The following MICAL3 variants were observed in gnomAD, a reference collection of about 807,000 sequenced individuals.
The protein encoded by MICAL3 is microtubule associated monooxygenase, calponin and LIM domain containing 3, also known as [F-actin]-monooxygenase MICAL3.
Under a neutral mutation model 207.4 loss-of-function variants are expected in MICAL3, and 62 were observed. That is an observed-to-expected ratio of 0.30 (90% CI 0.24 to 0.37). The LOEUF is 0.37. Among genes scored for constraint, MICAL3 ranks in the 10% least tolerant of loss-of-function variants. MICAL3 has a pLI of 1.00. For missense variants in MICAL3, 2,368 were observed against 2,635.6 expected, an observed-to-expected ratio of 0.90 and a Z score of 2.22; for synonymous variants, 1,077 against 1,069.3, an observed-to-expected ratio of 1.01 and a Z score of -0.14.
chr22:17,906,350 T>A (rs911470659), intron 2 of MICAL3, among the ~76,000 whole-genome samples, 199 bp downstream of exon 2: 1 of 152,244 alleles, frequency 6.6e-6, no homozygotes, highest in Admixed American at 6.5e-5. Flanking sequence ...TGCCTGGTTC[T>A]CACTCAGCCT....
Position 17,876,183 on chromosome 22 carries a change from G to A in MICAL3, c.2242-4160C>T, listed in dbSNP as rs151129763. On this transcript the variant is annotated intron_variant, in intron 16 of 31. Transcript: ENST00000441493. Reference sequence around the variant, plus strand: ...CCTCTGCAGACTGCACATAGCACACGTAACAAAACTGGGCAAGGGTCTCCC... The same window carrying A: ...CCTCTGCAGACTGCACATAGCACACATAACAAAACTGGGCAAGGGTCTCCC... Among the ~76,000 whole-genome samples, 122 of 152,252 alleles carry A rather than the reference G, an allele frequency of 8.0e-4. 3 individuals are homozygous for A. In the East Asian group the frequency reaches 0.016, roughly 20 times the overall value.
rs1206288799 is a variant in MICAL3 at position 17,787,821 on chromosome 22, C to A, written c.*2911G>T. The A allele has an allele frequency of 1.3e-5, 2 of 152,234 alleles. No homozygotes were observed. Among genetic ancestry groups the A allele is most frequent in the East Asian group, 3.8e-4 (2 of 5,196 alleles). 9.4% of individuals were successfully genotyped at this position (152,234 alleles called of 1,614,324 possible). A position where few individuals can be genotyped will look rare whatever the true frequency, so the allele number is the denominator to read the frequency against. On this transcript the variant is annotated 3_prime_UTR_variant, in exon 32 of 32. Coordinates refer to ENST00000441493, the MANE Select transcript of MICAL3 (RefSeq NM_015241.3). ...CTGGTCAAAATCGGCCTGAGGATGG[C>A]CGCCAGGGACAGAGGCCTGAAGGCA...
At chr22:17,999,233 CTGAA>C (rs1922656910) in intron 1 of MICAL3, among the ~76,000 whole-genome samples, 1 of 152,220 alleles carries the variant, frequency 6.6e-6, no homozygotes, top group Non-Finnish European at 1.5e-5. Context: ...CTCTTCTGTA[CTGAA>C]TGGTGTACCA....
At chr22:17,907,035 C>T (rs1350612255) in intron 1 of MICAL3, 149 bp from the exon 2 acceptor site, 11 of 483,324 alleles carry the variant, frequency 2.3e-5, no homozygotes, top group African/African-American at 9.5e-5. Flanking sequence ...CCAGGCACTA[C>T]GAAACACTGG....
intron 1 of MICAL3, among the ~76,000 whole-genome samples, chr22:17,922,512 GT>G (rs1932824588): frequency 6.6e-6 from 1 of 152,126 alleles, no homozygotes; most frequent in African/African-American, 2.4e-5. Context: ...CAGGACTGTT[GT>G]TTTCTGTTCA....
At chr22:18,019,729 G>T in intron 1 of MICAL3, 1 of 206,492 alleles carries the variant, frequency 4.8e-6, no homozygotes, top group Non-Finnish European at 1.0e-5. Context: ...AAAAAAGGGT[G>T]ATCAGGGAAG....
At position 17,841,226 on chromosome 22, in the gene MICAL3, T is replaced by C. The variant is rs1410001458; in HGVS notation, c.2801+596A>G. The C allele has an allele frequency of 1.3e-5, 2 of 154,822 alleles. No homozygotes were observed. Among genetic ancestry groups the C allele is most frequent in the Non-Finnish European group, 2.9e-5 (2 of 69,800 alleles). The allele number at this position is 154,822 out of a possible 1,614,324, so 9.6% of individuals were successfully genotyped here. On this transcript the variant is annotated intron_variant, in intron 20 of 31. Transcript: ENST00000441493. This position sits in a 1 kb window ranked among gnomAD's most constrained non-coding sequence, Gnocchi z 4.2. ...CTGAACACTTTGAAGCCTTCGCTGA[T>C]ACTGGAAGCCCTGGGGTGCAGGGCA... is the stretch of plus-strand genomic sequence containing the variant.
At chr22:17,871,656 T>C (rs1927733920) in intron 17 of MICAL3, among the ~76,000 whole-genome samples, 181 bp downstream of exon 17, 1 of 152,122 alleles carries the variant, frequency 6.6e-6, no homozygotes, top group East Asian at 1.9e-4. Flanking sequence ...TGGGAAATAC[T>C]GATAAGTAAG....
intron 8 of MICAL3, 27 bp from the exon 9 acceptor site, chr22:17,896,388 T>C (rs754610031): frequency 7.5e-7 from 1 of 1,339,418 alleles, no homozygotes; most frequent in African/African-American, 1.4e-5. Context: ...AAACAAATAA[T>C]TAAAATATAA....
intron 1 of MICAL3, among the ~76,000 whole-genome samples, chr22:17,970,190 G>A (rs755461232): frequency 2.6e-5 from 4 of 152,216 alleles, no homozygotes; most frequent in Admixed American, 6.5e-5. Flanking sequence ...TCAGCCTGGT[G>A]AGAAGGGAGG....
At chr22:17,875,452 G>A (rs898393365) in intron 16 of MICAL3, 43 of 1,558,102 alleles carry the variant, frequency 2.8e-5, no homozygotes, top group East Asian at 1.9e-4. Context: ...GCTACCTGTC[G>A]GAGGGAGTCG....
At chr22:18,018,657 G>A (rs1924227555) in intron 1 of MICAL3, among the ~76,000 whole-genome samples, 2 of 152,150 alleles carry the variant, frequency 1.3e-5, no homozygotes, top group African/African-American at 2.4e-5. Context: ...GGGAGGCGGA[G>A]GTTGTAGTGA....
chr22:17,803,301 A>G (rs1180313115), intron 29 of MICAL3, among the ~76,000 whole-genome samples: 3 of 151,972 alleles, frequency 2.0e-5, no homozygotes, highest in African/African-American at 4.8e-5. Flanking sequence ...GAGTTTGGTG[A>G]CTCCGGGCAG....
At chr22:17,934,372 A>C (rs1309704878) in intron 1 of MICAL3, among the ~76,000 whole-genome samples, 5 of 152,230 alleles carry the variant, frequency 3.3e-5, no homozygotes, top group Admixed American at 1.3e-4. Context: ...GATTATCTCA[A>C]TAGGTGCAGA....
intron 1 of MICAL3, among the ~76,000 whole-genome samples, chr22:17,928,417 C>T (rs1176162627): frequency 2.7e-5 from 4 of 146,400 alleles, no homozygotes; most frequent in South Asian, 2.2e-4. Flanking sequence ...CCAGCCTGGG[C>T]GAAACAGCAA....
chr22:17,834,258 A>G (rs1485900945), intron 20 of MICAL3: 1 of 1,087,478 alleles, frequency 9.2e-7, no homozygotes, highest in African/African-American at 1.7e-5. Context: ...AACATTTCTG[A>G]GCACCTACAG....
chr22:17,967,494 C>CACACACA (rs1569150737), intron 1 of MICAL3, among the ~76,000 whole-genome samples: 15 of 84,482 alleles, frequency 1.8e-4, no homozygotes, highest in South Asian at 7.1e-4. Context: ...ACACACACAC[C>CACACACA]CACACACACC....
At chr22:17,860,249 G>A (rs1330917850) in intron 19 of MICAL3, 2 of 984,678 alleles carry the variant, frequency 2.0e-6, no homozygotes, top group Non-Finnish European at 2.4e-6. Context: ...CACAGTCAAC[G>A]GCAAAAACAA....
At chr22:17,833,635 C>A (rs1449410392) in intron 20 of MICAL3, among the ~76,000 whole-genome samples, 1 of 152,216 alleles carries the variant, frequency 6.6e-6, no homozygotes, top group Non-Finnish European at 1.5e-5. Context: ...GGGTGCCCTG[C>A]CTATGGGGCT....
Sources: allele counts gnomAD v4.1 joint callset (sites outside exome capture counted in the v4.1 genomes callset), GRCh38; gene constraint gnomAD v4.1.1; non-coding constraint Gnocchi (gnomAD v3.1); transcripts MANE v1.5; gene names NCBI Gene and HGNC (gene_info 2026-07-23, HGNC 2026-07-21).